Variants in ANKFN1 observed in about 807,000 individuals in gnomAD.
ANKFN1 encodes the protein ankyrin repeat and fibronectin type III domain containing 1.
ANKFN1 carries 74 observed loss-of-function variants against 108.7 expected under a neutral mutation model. The ratio of observed to expected loss-of-function variants is 0.68; its 90% CI spans 0.56 to 0.83. ANKFN1 has a LOEUF of 0.83. ANKFN1 is among the 40% of genes least tolerant of loss of function. The pLI is 0.00. For missense variants in ANKFN1, 1,505 were observed against 1,382.3 expected (o/e 1.09, Z -1.41); for synonymous variants, 547 against 516.2 (o/e 1.06, Z -0.81).
chr17:56,482,962 G>C (rs1397503716), intron 18 of ANKFN1, among the ~76,000 whole-genome samples: 1 of 151,328 alleles, frequency 6.6e-6, no homozygotes, highest in African/African-American at 2.4e-5. Context: ...TCCCCAACCA[G>C]AGAAAAAAAT....
At chr17:56,351,362 G>T (rs1018027851) in intron 5 of ANKFN1, among the ~76,000 whole-genome samples, 3 of 151,158 alleles carry the variant, frequency 2.0e-5, no homozygotes, top group Non-Finnish European at 4.4e-5. Context: ...CTTTCCAAAG[G>T]CATTCAAAAT....
intron 17 of ANKFN1, 87 bp downstream of exon 17, chr17:56,480,905 GTGTGTGTGTGTGTGTGTA>G: frequency 5.3e-6 from 7 of 1,331,300 alleles, no homozygotes; most frequent in Non-Finnish European, 7.0e-6. Flanking sequence ...GTGTGTGTGT[GTGTGTGTGTGTGTGTGTA>G]AATTTTCCTT....
chr17:56,132,908 G>A (rs1234199479), intron 4 of ANKFN1, among the ~76,000 whole-genome samples: 1 of 152,164 alleles, frequency 6.6e-6, no homozygotes, highest in African/African-American at 2.4e-5. Context: ...TGGTAATTAG[G>A]TTTTAAGACA....
intron 8 of ANKFN1, among the ~76,000 whole-genome samples, chr17:56,392,467 C>T (rs577754112): frequency 2.0e-5 from 3 of 152,272 alleles, no homozygotes; most frequent in African/African-American, 7.2e-5. Context: ...GAGTGAATAG[C>T]GCTACACACA....
intron 1 of ANKFN1, among the ~76,000 whole-genome samples, chr17:56,204,304 C>T (rs552200329): frequency 6.6e-6 from 1 of 152,094 alleles, no homozygotes; most frequent in African/African-American, 2.4e-5. Context: ...GCCTCGGCCT[C>T]CCAAGTGCTG....
At chr17:56,184,841 C>T (rs993770049) in intron 1 of ANKFN1, 3 of 152,206 alleles carry the variant, frequency 2.0e-5, no homozygotes, top group Admixed American at 6.5e-5. Flanking sequence ...TGTGGTAAAA[C>T]TCAAACCAGA....
chr17:56,417,353 G>A (rs75868124), intron 8 of ANKFN1, among the ~76,000 whole-genome samples: 4,417 of 152,072 alleles, frequency 0.029, 183 homozygotes, highest in African/African-American at 0.099. Flanking sequence ...CATGTACTAC[G>A]TACCCACAAA....
At chr17:56,133,597 T>G (rs1347755004) in intron 4 of ANKFN1, among the ~76,000 whole-genome samples, 1 of 151,516 alleles carries the variant, frequency 6.6e-6, no homozygotes, top group African/African-American at 2.4e-5. Context: ...TCTCCTCTTG[T>G]GTGCTCATAG....
chr17:56,244,833 G>A (rs548975290), intron 3 of ANKFN1, among the ~76,000 whole-genome samples: 15 of 152,190 alleles, frequency 9.9e-5, no homozygotes, highest in African/African-American at 2.6e-4. Flanking sequence ...TTAAGCCACC[G>A]CTTTGTGTTT....
At chr17:56,225,662 G>A (rs1280630934) in intron 2 of ANKFN1, among the ~76,000 whole-genome samples, 2 of 152,198 alleles carry the variant, frequency 1.3e-5, no homozygotes, top group Admixed American at 1.3e-4. Flanking sequence ...TAAGAATTCA[G>A]GTTTTTCTTT....
chr17:56,085,252 GA>G (rs561002471), intron 4 of ANKFN1, among the ~76,000 whole-genome samples: 1 of 148,494 alleles, frequency 6.7e-6, no homozygotes. Context: ...GACCTTATTT[GA>G]AAAAAGGCTC....
intron 3 of ANKFN1, among the ~76,000 whole-genome samples, chr17:56,256,752 A>G (rs1397362376): frequency 1.3e-5 from 2 of 152,212 alleles, no homozygotes; most frequent in Non-Finnish European, 2.9e-5. Flanking sequence ...TTACAGATAG[A>G]AAATTAAGTT....
upstream of ANKFN1, among the ~76,000 whole-genome samples, chr17:56,151,513 C>T (rs1238636719): frequency 6.6e-6 from 1 of 152,126 alleles, no homozygotes; most frequent in Non-Finnish European, 1.5e-5. Flanking sequence ...TGGGTTGGGG[C>T]TATTTCCAGC....
intron 1 of ANKFN1, among the ~76,000 whole-genome samples, chr17:56,162,131 G>A (rs958464010): frequency 6.6e-6 from 1 of 152,126 alleles, no homozygotes; most frequent in African/African-American, 2.4e-5. Context: ...GTCTCACCAA[G>A]AATACATAAA....
chr17:56,416,250 C>T (rs530437243), intron 8 of ANKFN1, among the ~76,000 whole-genome samples: 5 of 152,140 alleles, frequency 3.3e-5, no homozygotes, highest in East Asian at 3.9e-4. Flanking sequence ...AAACAATCAA[C>T]GAAGTGAAAA....
At chr17:56,193,888 G>A (rs951290549) in intron 1 of ANKFN1, among the ~76,000 whole-genome samples, 1 of 152,326 alleles carries the variant, frequency 6.6e-6, no homozygotes, top group Admixed American at 6.5e-5. Flanking sequence ...TCTGATAAAG[G>A]ATTGTCATCT....
chr17:56,098,058 A>C (rs893020225), intron 4 of ANKFN1, among the ~76,000 whole-genome samples: 4 of 152,158 alleles, frequency 2.6e-5, no homozygotes, highest in Non-Finnish European at 4.4e-5. Flanking sequence ...ATATCTTTAT[A>C]AGAGAGAAGC....
intron 4 of ANKFN1, among the ~76,000 whole-genome samples, chr17:56,334,864 A>G (rs1011061091): frequency 1.3e-5 from 2 of 152,208 alleles, no homozygotes; most frequent in East Asian, 3.8e-4. Flanking sequence ...TTTAGGTCTA[A>G]CATTTAAGTC....
intron 16 of ANKFN1, among the ~76,000 whole-genome samples, chr17:56,480,397 ATT>A: frequency 6.6e-6 from 1 of 152,318 alleles, no homozygotes; most frequent in African/African-American, 2.4e-5. Context: ...ATTACAAAAT[ATT>A]TGAGAACCCC....
Sources: allele counts gnomAD v4.1 joint callset (sites outside exome capture counted in the v4.1 genomes callset), GRCh38; gene constraint gnomAD v4.1.1; transcripts MANE v1.5; gene names NCBI Gene and HGNC (gene_info 2026-07-23, HGNC 2026-07-21).